MTFMT: variants seen among roughly 807,000 people sequenced by gnomAD.
The protein encoded by MTFMT is methionyl-tRNA formyltransferase, mitochondrial.
A neutral mutation model predicts 51.8 loss-of-function variants in MTFMT; 47 were observed. The ratio of observed to expected loss-of-function variants is 0.91; its 90% CI spans 0.72 to 1.16. The LOEUF (loss-of-function observed/expected upper bound fraction) is 1.16, where lower values mean the gene tolerates loss of function less well. Ranked by LOEUF, MTFMT falls within the 50% of genes most tolerant of loss-of-function variation. The pLI is 0.00. For missense variants in MTFMT, 512 were observed against 482.3 expected (o/e 1.06, Z -0.58); for synonymous variants, 196 against 176.7 (o/e 1.11, Z -0.87).
intron 1 of MTFMT, among the ~76,000 whole-genome samples, chr15:65,027,899 A>G (rs770144569): frequency 1.3e-5 from 2 of 152,194 alleles, no homozygotes; most frequent in Non-Finnish European, 2.9e-5. Flanking sequence ...TTCAAACACT[A>G]CTTTTTAAAA....
At chr15:65,013,166 C>A (rs2140479044) in intron 6 of MTFMT, among the ~76,000 whole-genome samples, 1 of 152,226 alleles carries the variant, frequency 6.6e-6, no homozygotes, top group East Asian at 1.9e-4. Context: ...TCTTGTCTAA[C>A]TGCCCCAACA....
At chr15:65,014,103 G>T (rs1267853992) in intron 6 of MTFMT, among the ~76,000 whole-genome samples, 1 of 152,020 alleles carries the variant, frequency 6.6e-6, no homozygotes, top group African/African-American at 2.4e-5. Context: ...TCCTTTTCTT[G>T]TGATTCTTTG....
chr15:65,027,559 T>C lies in MTFMT; in HGVS notation c.210-519A>G, dbSNP rs150429223. 2.6e-5 allele frequency among the ~76,000 whole-genome samples: 4 copies of C among 152,238 alleles called. No individual in the cohort carries two copies. In the South Asian group the frequency reaches 8.3e-4, roughly 31 times the overall value. On this transcript the variant is annotated intron_variant, in intron 1 of 8. Coordinates refer to ENST00000220058, the MANE Select transcript of MTFMT (RefSeq NM_139242.4). ...AATGTAAAGAGTGACACGTGGCTAGTGGCTACTGTTTGAACAGTATCATTC... is the reference window on the plus strand; with the variant it reads ...AATGTAAAGAGTGACACGTGGCTAGCGGCTACTGTTTGAACAGTATCATTC...
rs61660583 is a variant in MTFMT at position 65,006,408 on chromosome 15, C to G, written c.814-217G>C. On this transcript the variant is annotated intron_variant, in intron 6 of 8. Transcript: ENST00000220058. ...TTTTTTTTTTTTTGAGACGGAGTCT[C>G]GTTGTGTCACCAGGCTGGAGTGCAG... Among the ~76,000 whole-genome samples the G allele has an allele frequency of 0.04, 5,804 of 144,446 alleles. 291 individuals carry two copies. Among genetic ancestry groups the G allele is most frequent in the African/African-American group, 0.12 (4,578 of 38,742 alleles). The allele number at this position is 144,446 out of a possible 152,430, so 94.8% of individuals were successfully genotyped here.
intron 6 of MTFMT, 48 bp from the exon 7 acceptor site, chr15:65,006,239 C>A (rs1209082575): frequency 2.1e-6 from 3 of 1,453,568 alleles, no homozygotes; most frequent in Non-Finnish European, 2.9e-6. Context: ...CACTCAACTC[C>A]CAAACCCTTT....
intron 6 of MTFMT, 154 bp downstream of exon 6, chr15:65,016,282 A>G (rs1664586817): frequency 3.8e-6 from 2 of 528,318 alleles, no homozygotes; most frequent in South Asian, 5.6e-5. Flanking sequence ...ATTTTTAAGA[A>G]TAAATTTCAG....
At chr15:65,023,542 T>TA in intron 3 of MTFMT, 130 bp downstream of exon 3, 1 of 782,932 alleles carries the variant, frequency 1.3e-6, no homozygotes, top group Admixed American at 2.6e-5. Flanking sequence ...AGAAAGGATA[T>TA]AAAAGCAGAA....
At chr15:65,005,067 G>C (rs1044964298) in intron 7 of MTFMT, 131 bp from the exon 8 acceptor site, 3 of 643,476 alleles carry the variant, frequency 4.7e-6, no homozygotes, top group African/African-American at 3.7e-5. Flanking sequence ...TGCTGATGTT[G>C]ACTTTGTAAA....
intron 3 of MTFMT, among the ~76,000 whole-genome samples, chr15:65,022,027 G>GA (rs887307716): frequency 2.0e-5 from 3 of 152,136 alleles, no homozygotes; most frequent in African/African-American, 4.8e-5. Context: ...GTAATAGCAT[G>GA]AAAAAATCTC....
chr15:65,008,480 T>G (rs970460321), intron 6 of MTFMT, among the ~76,000 whole-genome samples: 1 of 152,238 alleles, frequency 6.6e-6, no homozygotes, highest in African/African-American at 2.4e-5. Flanking sequence ...AATCCTCTAT[T>G]TCATACATGA....
chr15:65,004,190 T>C (rs1310552832), intron 8 of MTFMT, among the ~76,000 whole-genome samples: 1 of 152,036 alleles, frequency 6.6e-6, no homozygotes, highest in Non-Finnish European at 1.5e-5. Flanking sequence ...CTAATTTTTG[T>C]ACTGTTAGTA....
At chr15:65,021,420 G>A in intron 4 of MTFMT, 94 bp downstream of exon 4, 1 of 907,450 alleles carries the variant, frequency 1.1e-6, no homozygotes, top group South Asian at 1.5e-5. Context: ...TTGTTTTTAA[G>A]AAAATTAGAA....
chr15:65,008,336 T>A (rs1164351525), intron 6 of MTFMT, among the ~76,000 whole-genome samples: 2 of 152,216 alleles, frequency 1.3e-5, no homozygotes, highest in Non-Finnish European at 2.9e-5. Flanking sequence ...AATACCACCT[T>A]TATCATGTAA....
intron 6 of MTFMT, among the ~76,000 whole-genome samples, chr15:65,012,234 C>CCAACATGG (rs1301634750): frequency 6.7e-6 from 1 of 148,808 alleles, no homozygotes; most frequent in Non-Finnish European, 1.5e-5. Context: ...GTACAGCACA[C>CCAACATGG]CAACATGGCA....
intron 1 of MTFMT, 94 bp downstream of exon 1, chr15:65,029,311 C>T (rs2086457859): frequency 1.5e-6 from 2 of 1,330,004 alleles, no homozygotes; most frequent in African/African-American, 3.1e-5. Flanking sequence ...CCCATGCTTT[C>T]CGCAACCAGA....
chr15:65,029,120 C>T (rs868254668), intron 1 of MTFMT: 4 of 280,558 alleles, frequency 1.4e-5, no homozygotes, highest in Admixed American at 1.3e-4. Context: ...GGGATGCAGG[C>T]AGAGCGCCCA....
In MTFMT at chr15:65,012,892, A is replaced by G. The variant is rs889716996; in HGVS notation, c.813+3544T>C. 2.6e-5 allele frequency among the ~76,000 whole-genome samples: 4 copies of G among 152,150 alleles called. No individual in the cohort carries two copies. In the East Asian group the frequency reaches 7.7e-4, roughly 29 times the overall value. ...CTTGTCAATTTGTACAAAGAAGCCA[A>G]TTGGGATTTTTTTTTTAGGAATTGT... On this transcript the variant is annotated intron_variant, in intron 6 of 8. Coordinates refer to ENST00000220058, the MANE Select transcript of MTFMT (RefSeq NM_139242.4).
At chr15:65,022,288 C>A (rs931109631) in intron 3 of MTFMT, among the ~76,000 whole-genome samples, 8 of 152,120 alleles carry the variant, frequency 5.3e-5, no homozygotes, top group Non-Finnish European at 8.8e-5. Context: ...CCTATCTCTA[C>A]TAAAAATACA....
intron 1 of MTFMT, 146 bp downstream of exon 1, chr15:65,029,259 G>C: frequency 8.6e-6 from 11 of 1,284,882 alleles, no homozygotes; most frequent in East Asian, 3.2e-5. Context: ...CACCTTCTGG[G>C]AGCCAGAAGA....
Sources: gnomAD v4.1 joint callset for allele counts (sites outside exome capture counted in the v4.1 genomes callset) on GRCh38, gnomAD v4.1.1 for gene constraint, MANE v1.5 for transcripts, NCBI Gene and HGNC (gene_info 2026-07-23, HGNC 2026-07-21) for gene names.